STYXL2: variants seen among roughly 807,000 people sequenced by gnomAD.
STYXL2 encodes the protein serine/threonine/tyrosine-interacting-like protein 2.
STYXL2 carries 44 observed loss-of-function variants against 52.4 expected under a neutral mutation model. That is an observed-to-expected ratio of 0.84 (90% CI 0.66 to 1.08). STYXL2 has a LOEUF of 1.08. Among genes scored for constraint, STYXL2 ranks in the 50% least tolerant of loss-of-function variants. The pLI is 0.00. For synonymous variants in STYXL2, 604 were observed against 586.9 expected, an observed-to-expected ratio of 1.03 and a Z score of -0.42; for missense variants, 1,604 against 1,471.7, an observed-to-expected ratio of 1.09 and a Z score of -1.47.
At chr1:167,096,376 G>T (rs368051254) in intron 2 of STYXL2, among the ~76,000 whole-genome samples, 4 of 152,204 alleles carry the variant, frequency 2.6e-5, no homozygotes, top group Non-Finnish European at 5.9e-5. Context: ...AGGTCGCTTC[G>T]TGTGTGGTTG....
chr1:167,113,930 T>G, intron 3 of STYXL2, 126 bp downstream of exon 3: 1 of 753,798 alleles, frequency 1.3e-6, no homozygotes, highest in South Asian at 1.5e-5. Flanking sequence ...AGAGCAGATC[T>G]GCAGAAGGCA....
Position 167,126,268 on chromosome 1 carries a change from G to A in STYXL2, c.1137G>A (p.Gln379=), listed in dbSNP as rs1463292358. Residue 379 remains glutamine (Q), a synonymous_variant, in exon 6 of 6, where the codon CAG becomes CAA. Transcript: ENST00000361200. ...GGGWRSASSG[Q]GGEELEDEDV... ...GCTGGCGCTCAGCCTCCTCTGGCCA[G>A]GGTGGGGAGGAGCTCGAGGACGAGG... is the stretch of plus-strand genomic sequence containing the variant. 1.3e-6 allele frequency: 2 copies of A among 1,542,982 alleles called. No homozygotes were observed. Among genetic ancestry groups the A allele is most frequent in the Non-Finnish European group, 8.7e-7 (1 of 1,146,742 alleles).
At chr1:167,103,996 T>C (rs1001524107) in intron 2 of STYXL2, among the ~76,000 whole-genome samples, 27 of 152,110 alleles carry the variant, frequency 1.8e-4, no homozygotes, top group East Asian at 1.2e-3. Context: ...GGTGGGCGCC[T>C]GTAATCCCAG....
At chr1:167,111,529 C>G (rs866088430) in intron 2 of STYXL2, among the ~76,000 whole-genome samples, 1 of 121,876 alleles carries the variant, frequency 8.2e-6, no homozygotes, top group Non-Finnish European at 1.8e-5. Flanking sequence ...CACACACACA[C>G]AAATATATAT....
At chr1:167,118,291 C>A (rs1410600203) in intron 4 of STYXL2, among the ~76,000 whole-genome samples, 1 of 152,176 alleles carries the variant, frequency 6.6e-6, no homozygotes, top group Non-Finnish European at 1.5e-5. Flanking sequence ...TAATTGCGAC[C>A]ACTTGGTTAA....
chr1:167,110,616 A>G (rs1009063353), intron 2 of STYXL2, among the ~76,000 whole-genome samples: 3 of 152,248 alleles, frequency 2.0e-5, no homozygotes, highest in African/African-American at 4.8e-5. Context: ...AACAAGTAGA[A>G]GAAAGAACTT....
rs537190615 is a variant in STYXL2, at chr1:167,128,807, G to A, written c.*199G>A. On this transcript the variant is annotated 3_prime_UTR_variant, in exon 6 of 6. Coordinates refer to ENST00000361200, the MANE Select transcript of STYXL2 (RefSeq NM_001080426.3). Reference sequence around the variant, plus strand: ...CAAGGAGGGGGAGAACCATCAATACGAATACGAGGTCCGAATGCGGACCAA... The same window carrying A: ...CAAGGAGGGGGAGAACCATCAATACAAATACGAGGTCCGAATGCGGACCAA... 2.7e-5 allele frequency: 22 copies of A among 816,348 alleles called. No homozygotes were observed. The South Asian group carries it at 3.1e-4, about 12-fold the overall frequency. 50.6% of individuals were successfully genotyped at this position (816,348 alleles called of 1,614,324 possible).
Position 167,128,239 on chromosome 1 carries a change from C to T in STYXL2, c.3108C>T (p.Ser1036=), listed in dbSNP as rs756955960. The change falls in exon 6 of 6, where the codon AGC becomes AGT. Residue 1036 remains serine (S), a synonymous_variant. Transcript: ENST00000361200. ...YNETSSSREE[S]PEPYFFRRTP... ...AGACCTCAAGTTCCCGAGAGGAGAG[C>T]CCAGAGCCCTACTTCTTCCGCCGGA... 3.1e-6 allele frequency: 5 copies of T among 1,614,166 alleles called. No homozygotes were observed. In the South Asian group the frequency reaches 4.4e-5, roughly 14 times the overall value.
intron 2 of STYXL2, among the ~76,000 whole-genome samples, chr1:167,106,808 T>G (rs1667513720): frequency 6.6e-6 from 1 of 152,198 alleles, no homozygotes; most frequent in Non-Finnish European, 1.5e-5. Context: ...CTGTAACATA[T>G]TTGCCTCAGT....
chr1:167,109,054 A>G (rs1479500760), intron 2 of STYXL2, among the ~76,000 whole-genome samples: 1 of 152,104 alleles, frequency 6.6e-6, no homozygotes, highest in Non-Finnish European at 1.5e-5. Flanking sequence ...ACTTTATCTC[A>G]CAGGGGTCCT....
rs772178354 is a variant in STYXL2, at chr1:167,127,802, A to G, written c.2671A>G (p.Ser891Gly). The change falls in exon 6 of 6, where the codon AGT (serine) becomes GGT (glycine). Residue 891 changes from serine (S) to glycine (G), a missense_variant. Coordinates refer to ENST00000361200, the MANE Select transcript of STYXL2 (RefSeq NM_001080426.3). ...GVGDGDEDTD[S>G]AIGSFRYSSR... is the part of the protein sequence containing the mutation. ...GGGTGATGGGGATGAGGACACTGAC[A>G]GTGCCATAGGGAGCTTCCGATATTC... 1.9e-5 allele frequency: 30 copies of G among 1,613,830 alleles called. No individual in the cohort carries two copies. The highest frequency in any genetic ancestry group is 2.4e-5 in the Non-Finnish European group (28 of 1,180,036).
rs947326980 is a variant in STYXL2, at chr1:167,128,955, C to G, written c.*347C>G. On this transcript the variant is annotated 3_prime_UTR_variant, in exon 6 of 6. Coordinates refer to ENST00000361200, the MANE Select transcript of STYXL2 (RefSeq NM_001080426.3). ...AAAGCACTGTAGTTTGTCAGAGACT[C>G]CAGTTTACATCCAGAAAGGCCATGA... 1.8e-5 allele frequency: 4 copies of G among 222,728 alleles called. No individual in the cohort carries two copies. The highest frequency in any genetic ancestry group is 1.6e-4 in the Admixed American group (3 of 19,336). 13.8% of individuals were successfully genotyped at this position (222,728 alleles called of 1,614,324 possible). A position where few individuals can be genotyped will look rare whatever the true frequency, so the allele number is the denominator to read the frequency against.
intron 2 of STYXL2, among the ~76,000 whole-genome samples, chr1:167,104,050 C>T (rs948006971): frequency 6.6e-6 from 1 of 151,910 alleles, no homozygotes; most frequent in African/African-American, 2.4e-5. Context: ...AATCGGGAGG[C>T]GGAGCTTGCA....
At chr1:167,119,959 T>C (rs1257698197) in intron 5 of STYXL2, among the ~76,000 whole-genome samples, 1 of 151,972 alleles carries the variant, frequency 6.6e-6, no homozygotes, top group South Asian at 2.1e-4. Flanking sequence ...GATCCAAAGG[T>C]GGAAAGCTTG....
Position 167,115,494 on chromosome 1 carries a change from G to A in STYXL2, c.205+1690G>A, listed in dbSNP as rs566388671. The stretch of plus-strand genomic sequence containing the variant: ...GCAGGAGTTGCCATCAGGGGTGAAG[G>A]GCTGGGACATTTGTTTTTAAATTGA... On this transcript the variant is annotated intron_variant, in intron 3 of 5. Transcript: ENST00000361200. 2.8e-4 allele frequency among the ~76,000 whole-genome samples: 42 copies of A among 152,242 alleles called. 1 individual carries two copies. The highest frequency in any genetic ancestry group is 6.8e-3 in the Middle Eastern group (2 of 294).
chr1:167,117,623 A>G, intron 4 of STYXL2, 64 bp downstream of exon 4: 8 of 1,443,092 alleles, frequency 5.5e-6, no homozygotes, highest in Non-Finnish European at 7.6e-6. Flanking sequence ...GAGACAGACG[A>G]AACTCCCCCA....
At chr1:167,109,052 T>G (rs2102230724) in intron 2 of STYXL2, among the ~76,000 whole-genome samples, 1 of 152,260 alleles carries the variant, frequency 6.6e-6, no homozygotes, top group Admixed American at 6.5e-5. Flanking sequence ...TGACTTTATC[T>G]CACAGGGGTC....
chr1:167,104,359 G>T (rs918822408), intron 2 of STYXL2, among the ~76,000 whole-genome samples: 1 of 152,010 alleles, frequency 6.6e-6, no homozygotes, highest in African/African-American at 2.4e-5. Context: ...TCAAGACTTC[G>T]CAGTTTTGTA....
At position 167,128,742 on chromosome 1, in the gene STYXL2, T is replaced by C; in HGVS notation, c.*134T>C. ...AGAGGGGCAGAGCCAAAATGAGAGG[T>C]ACCAAGCATAAGGGCAGCAGAGGTG... On this transcript the variant is annotated 3_prime_UTR_variant, in exon 6 of 6. Coordinates refer to ENST00000361200, the MANE Select transcript of STYXL2 (RefSeq NM_001080426.3). 7 of 1,396,530 alleles carry C rather than the reference T, an allele frequency of 5.0e-6. No individual in the cohort carries two copies. The South Asian group carries it at 9.3e-5, about 19-fold the overall frequency. 86.5% of individuals were successfully genotyped at this position (1,396,530 alleles called of 1,614,324 possible). A position where few individuals can be genotyped will look rare whatever the true frequency, so the allele number is the denominator to read the frequency against.
Sources: gnomAD v4.1 joint callset for allele counts (sites outside exome capture counted in the v4.1 genomes callset) on GRCh38, gnomAD v4.1.1 for gene constraint, MANE v1.5 for transcripts, NCBI Gene and HGNC (gene_info 2026-07-23, HGNC 2026-07-21) for gene names.